The following ADCY8 variants were observed in gnomAD, a reference collection of about 807,000 sequenced individuals.
ADCY8 encodes the protein adenylate cyclase 8.
ADCY8 carries 51 observed loss-of-function variants against 119.7 expected under a neutral mutation model. That is an observed-to-expected ratio of 0.43 (90% CI 0.34 to 0.54). The LOEUF (loss-of-function observed/expected upper bound fraction) is 0.54, where lower values mean the gene tolerates loss of function less well. Ranked by LOEUF, ADCY8 falls within the 20% of genes least tolerant of loss-of-function variation. ADCY8 has a pLI of 0.03. For synonymous variants in ADCY8, 665 were observed against 651.0 expected, an observed-to-expected ratio of 1.02 and a Z score of -0.33; for missense variants, 1,383 against 1,598.8, an observed-to-expected ratio of 0.87 and a Z score of 2.30.
intron 1 of ADCY8, among the ~76,000 whole-genome samples, chr8:130,993,421 A>G: frequency 6.6e-6 from 1 of 152,218 alleles, no homozygotes; most frequent in Admixed American, 6.5e-5. Flanking sequence ...GTCAGCAAAG[A>G]TAGAGATAAT....
chr8:131,022,314 T>C (rs1823696137), intron 1 of ADCY8, among the ~76,000 whole-genome samples: 1 of 152,104 alleles, frequency 6.6e-6, no homozygotes. Context: ...GATGTTACCC[T>C]CCCTGTGTCC....
chr8:131,010,972 C>A (rs1206801355), intron 1 of ADCY8, among the ~76,000 whole-genome samples: 1 of 152,120 alleles, frequency 6.6e-6, no homozygotes, highest in Admixed American at 6.5e-5. Flanking sequence ...AGCAGTGATT[C>A]CAAGGAAGTT....
intron 9 of ADCY8, among the ~76,000 whole-genome samples, chr8:130,850,420 G>A (rs1357241544): frequency 6.6e-6 from 1 of 152,082 alleles, no homozygotes; most frequent in African/African-American, 2.4e-5. Flanking sequence ...ACCTGTGCTC[G>A]GTGTCAGGAT....
chr8:130,789,449 G>C (rs940463506), intron 15 of ADCY8, among the ~76,000 whole-genome samples: 1 of 152,150 alleles, frequency 6.6e-6, no homozygotes, highest in Non-Finnish European at 1.5e-5. Flanking sequence ...ATTTTGGAGA[G>C]TGGGTACAAC....
chr8:130,827,027 C>A (rs1450569397), intron 12 of ADCY8, among the ~76,000 whole-genome samples: 1 of 152,080 alleles, frequency 6.6e-6, no homozygotes, highest in Non-Finnish European at 1.5e-5. Flanking sequence ...AACAAACCTG[C>A]ACATTGTGCA....
At chr8:130,786,440 C>A (rs543278545) in intron 15 of ADCY8, among the ~76,000 whole-genome samples, 4 of 152,186 alleles carry the variant, frequency 2.6e-5, no homozygotes, top group Non-Finnish European at 5.9e-5. Context: ...TGTCTTAATT[C>A]CTGGAACCTG....
chr8:131,021,797 GA>G (rs1268507971), intron 1 of ADCY8, among the ~76,000 whole-genome samples: 1 of 152,130 alleles, frequency 6.6e-6, no homozygotes, highest in Admixed American at 6.5e-5. Context: ...CCTCCCCAGC[GA>G]TGCTGAACTG....
intron 9 of ADCY8, among the ~76,000 whole-genome samples, chr8:130,854,833 C>CCCTT (rs1303682903): frequency 2.1e-5 from 1 of 48,412 alleles, no homozygotes; most frequent in Non-Finnish European, 4.3e-5. Context: ...CTCCCTCCCT[C>CCCTT]CCTCCCTTCC....
chr8:130,916,087 A>T (rs1820119752), intron 5 of ADCY8, among the ~76,000 whole-genome samples: 1 of 152,208 alleles, frequency 6.6e-6, no homozygotes, highest in Non-Finnish European at 1.5e-5. Flanking sequence ...GAGAGAACTG[A>T]GTCACGAGAG....
chr8:130,812,345 G>T (rs144182233), intron 14 of ADCY8, among the ~76,000 whole-genome samples: 1 of 152,096 alleles, frequency 6.6e-6, no homozygotes, highest in East Asian at 1.9e-4. Context: ...CTAGTGGTCC[G>T]AATAGTGCCT....
chr8:130,880,917 C>T (rs541314057), intron 8 of ADCY8, among the ~76,000 whole-genome samples: 15 of 152,276 alleles, frequency 9.9e-5, no homozygotes, highest in African/African-American at 2.9e-4. Flanking sequence ...AGCTGTCCAA[C>T]GTCCTCATTT....
At chr8:130,804,903 T>A (rs952384567) in intron 14 of ADCY8, among the ~76,000 whole-genome samples, 1 of 152,242 alleles carries the variant, frequency 6.6e-6, no homozygotes, top group Non-Finnish European at 1.5e-5. Context: ...CCTGCCATCA[T>A]ACCAGGCTAA....
chr8:131,011,710 G>A (rs909512406), intron 1 of ADCY8, among the ~76,000 whole-genome samples: 1 of 152,156 alleles, frequency 6.6e-6, no homozygotes, highest in Non-Finnish European at 1.5e-5. Flanking sequence ...TCCAGGTGTT[G>A]TGTCGGACAA....
intron 1 of ADCY8, among the ~76,000 whole-genome samples, chr8:131,034,483 T>A (rs1045480006): frequency 6.6e-5 from 10 of 152,106 alleles, no homozygotes; most frequent in African/African-American, 2.4e-4. Flanking sequence ...AAAGGATTTC[T>A]TAAAGGCCAA....
At chr8:130,968,941 C>T (rs1462846971) in intron 2 of ADCY8, among the ~76,000 whole-genome samples, 1 of 152,152 alleles carries the variant, frequency 6.6e-6, no homozygotes, top group Non-Finnish European at 1.5e-5. Flanking sequence ...TTAAAGACTT[C>T]AAAGTCTTTT....
intron 9 of ADCY8, among the ~76,000 whole-genome samples, chr8:130,853,557 T>C (rs908171861): frequency 6.9e-4 from 100 of 144,946 alleles, no homozygotes; most frequent in African/African-American, 2.5e-3. Flanking sequence ...GGCAATTGTT[T>C]GGAAATTTGT....
chr8:130,930,541 G>A (rs976615910), intron 5 of ADCY8, among the ~76,000 whole-genome samples: 18 of 152,138 alleles, frequency 1.2e-4, no homozygotes, highest in African/African-American at 3.1e-4. Context: ...GTGAGCCACC[G>A]CGCCCAGCCT....
At chr8:130,881,278 A>G (rs1310797461) in intron 8 of ADCY8, among the ~76,000 whole-genome samples, 1 of 152,216 alleles carries the variant, frequency 6.6e-6, no homozygotes, top group Non-Finnish European at 1.5e-5. Flanking sequence ...CATGAATTAT[A>G]TAAAAGTCCT....
In ADCY8 at chr8:130,943,378, G is replaced by T. The variant is rs777390922; in HGVS notation, c.1326C>A (p.Leu442=). 67 of 1,607,476 alleles carry T rather than the reference G, an allele frequency of 4.2e-5. 1 individual carries two copies. In the South Asian group the frequency reaches 6.3e-4, roughly 15 times the overall value. The part of the protein sequence containing the change: ...AQELVRMLNE[L]FARFDRLAHE... The stretch of plus-strand genomic sequence containing the variant: ...GGGCCAGTCGATCAAATCTGGCAAA[G>T]AGCTCGTTGAGCATCCTGACCAGCT... Residue 442 remains leucine, a synonymous_variant, in exon 4 of 18, where the codon CTC becomes CTA. Transcript: ENST00000286355.
Sources: allele counts gnomAD v4.1 joint callset (sites outside exome capture counted in the v4.1 genomes callset), GRCh38; gene constraint gnomAD v4.1.1; transcripts MANE v1.5; gene names NCBI Gene and HGNC (gene_info 2026-07-23, HGNC 2026-07-21).